CUL3: variants seen among roughly 807,000 people sequenced by gnomAD.
CUL3 encodes the protein cullin 3.
Under a neutral mutation model 89.1 loss-of-function variants are expected in CUL3, and 19 were observed. The ratio of observed to expected loss-of-function variants is 0.21; its 90% confidence interval spans 0.15 to 0.31. The LOEUF is 0.31. Among genes scored for constraint, CUL3 ranks in the 10% least tolerant of loss-of-function variants. The pLI, the probability that CUL3 is intolerant of heterozygous loss-of-function variation, is 1.00. For missense variants in CUL3, 469 were observed against 942.3 expected, an observed-to-expected ratio of 0.50 and a Z score of 6.58; for synonymous variants, 351 against 308.4, an observed-to-expected ratio of 1.14 and a Z score of -1.45.
At chr2:224,501,415 CAAATT>C (rs1269414050) in intron 10 of CUL3, among the ~76,000 whole-genome samples, 2 of 152,138 alleles carry the variant, frequency 1.3e-5, no homozygotes, top group Non-Finnish European at 2.9e-5. Flanking sequence ...TTCCTTTAAA[CAAATT>C]AAATTTTTAA....
At chr2:224,503,941 A>T in intron 8 of CUL3, 119 bp from the exon 9 acceptor site, 4 of 748,214 alleles carry the variant, frequency 5.3e-6, no homozygotes, top group Non-Finnish European at 8.0e-6. Context: ...GTTGACATAC[A>T]TCAAAAAAAG....
intron 10 of CUL3, among the ~76,000 whole-genome samples, chr2:224,501,847 T>C (rs1574633660): frequency 1.3e-5 from 2 of 152,244 alleles, no homozygotes; most frequent in Non-Finnish European, 2.9e-5. Flanking sequence ...TAGCTTTCAA[T>C]GTGTAAGATT....
intron 1 of CUL3, among the ~76,000 whole-genome samples, chr2:224,582,529 T>C (rs1046320692): frequency 6.6e-6 from 1 of 152,230 alleles, no homozygotes; most frequent in Non-Finnish European, 1.5e-5. Context: ...AATGAAAAAT[T>C]CTTTTAGAAA....
intron 2 of CUL3, among the ~76,000 whole-genome samples, chr2:224,539,856 A>G (rs891770542): frequency 9.2e-5 from 14 of 152,080 alleles, no homozygotes; most frequent in Middle Eastern, 3.4e-3. Context: ...ACTAGTGAAT[A>G]TATGTCCAAA....
chr2:224,545,465 C>A (rs1398669073), intron 2 of CUL3, among the ~76,000 whole-genome samples: 2 of 152,124 alleles, frequency 1.3e-5, no homozygotes, highest in African/African-American at 4.8e-5. Context: ...GCACACTATT[C>A]TCAATTTCAA....
chr2:224,490,485 C>A (rs534538174), intron 13 of CUL3, among the ~76,000 whole-genome samples: 5 of 151,796 alleles, frequency 3.3e-5, no homozygotes, highest in Admixed American at 6.6e-5. Flanking sequence ...GGGGCCCTAC[C>A]GGTTTCCGCG....
In CUL3 at chr2:224,585,182, C is replaced by CGGCGGCGGCGGCGGG. The variant is rs1695554155; in HGVS notation, c.-174_-173insCCCGCCGCCGCCGCC. On this transcript the variant is annotated 5_prime_UTR_variant, in exon 1 of 16. Transcript: ENST00000264414. ...GCAGCCGCGGCGGCGGCGGGGGCGG[C>CGGCGGCGGCGGCGGG]GGCGGCGGCGGCGGCGGCTCGGACT... is the stretch of plus-strand genomic sequence containing the variant. 3 of 70,908 alleles carry CGGCGGCGGCGGCGGG rather than the reference C, an allele frequency of 4.2e-5. No individual in the cohort carries two copies. The South Asian group carries it at 1.8e-3, about 43-fold the overall frequency. 4.4% of individuals were successfully genotyped at this position (70,908 alleles called of 1,614,324 possible).
intron 2 of CUL3, among the ~76,000 whole-genome samples, chr2:224,537,045 G>T (rs1004871691): frequency 6.6e-6 from 1 of 152,098 alleles, no homozygotes; most frequent in African/African-American, 2.4e-5. Flanking sequence ...TCTAATAGTG[G>T]TTATGCTTTT....
chr2:224,504,487 T>C (rs1280570508), intron 8 of CUL3, among the ~76,000 whole-genome samples: 1 of 152,112 alleles, frequency 6.6e-6, no homozygotes, highest in Non-Finnish European at 1.5e-5. Context: ...TTTTGTATTT[T>C]TAGTAGAGAT....
At chr2:224,499,810 G>T in intron 11 of CUL3, 1 of 210,332 alleles carries the variant, frequency 4.8e-6, no homozygotes, top group South Asian at 9.0e-5. Flanking sequence ...GTGTTCACAC[G>T]AGTGGTCTTT....
chr2:224,580,764 T>C (rs1474796440), intron 1 of CUL3, among the ~76,000 whole-genome samples: 2 of 152,212 alleles, frequency 1.3e-5, no homozygotes, highest in Non-Finnish European at 2.9e-5. Flanking sequence ...GTAGTATCTA[T>C]AAAATATCCA....
intron 3 of CUL3, among the ~76,000 whole-genome samples, chr2:224,524,903 A>G (rs565829613): frequency 2.6e-5 from 4 of 152,178 alleles, no homozygotes; most frequent in Non-Finnish European, 2.9e-5. Context: ...GTAAGTAACA[A>G]AACAAAAAAC....
intron 6 of CUL3, among the ~76,000 whole-genome samples, chr2:224,510,837 A>C (rs1692797218): frequency 2.0e-5 from 3 of 152,206 alleles, no homozygotes; most frequent in African/African-American, 7.2e-5. Context: ...TCCATTCTGT[A>C]ACTTCAGTGT....
intron 12 of CUL3, among the ~76,000 whole-genome samples, chr2:224,497,091 A>G (rs547074236): frequency 2.0e-5 from 3 of 152,206 alleles, no homozygotes; most frequent in Non-Finnish European, 4.4e-5. Flanking sequence ...ATACCAAACT[A>G]GTAAAATTCT....
At chr2:224,570,539 A>C (rs1695159912) in intron 1 of CUL3, among the ~76,000 whole-genome samples, 1 of 152,184 alleles carries the variant, frequency 6.6e-6, no homozygotes, top group African/African-American at 2.4e-5. Context: ...AGTGACTTAA[A>C]ACTGAATGTA....
At chr2:224,491,622 C>T (rs562978178) in intron 13 of CUL3, among the ~76,000 whole-genome samples, 2 of 152,248 alleles carry the variant, frequency 1.3e-5, no homozygotes, top group East Asian at 3.9e-4. Flanking sequence ...TAAAGATAGG[C>T]AACTTCATCT....
At chr2:224,572,630 G>GAAAAAAAAAAAA (rs67105454) in intron 1 of CUL3, among the ~76,000 whole-genome samples, 1 of 86,298 alleles carries the variant, frequency 1.2e-5, no homozygotes, top group African/African-American at 4.4e-5. Flanking sequence ...GAGAGTGAGA[G>GAAAAAAAAAAAA]AAAAAAAAAA....
At chr2:224,496,013 G>A (rs2106180598) in intron 12 of CUL3, 47 bp from the exon 13 acceptor site, 1 of 1,593,432 alleles carries the variant, frequency 6.3e-7, no homozygotes, top group Non-Finnish European at 8.6e-7. Context: ...ATCATTTCCT[G>A]GTAACATTAA....
At chr2:224,502,886 TCTG>T in intron 10 of CUL3, 76 bp downstream of exon 10, 1 of 952,234 alleles carries the variant, frequency 1.1e-6, no homozygotes, top group South Asian at 1.5e-5. Context: ...ACAACTGTCA[TCTG>T]CTAAGTGGAT....
Sources: allele counts gnomAD v4.1 joint callset (sites outside exome capture counted in the v4.1 genomes callset), GRCh38; gene constraint gnomAD v4.1.1; transcripts MANE v1.5; gene names NCBI Gene and HGNC (gene_info 2026-07-23, HGNC 2026-07-21).